Variants in PCDH7 observed in about 807,000 individuals in gnomAD.
The protein encoded by PCDH7 is protocadherin 7.
PCDH7 carries 17 observed loss-of-function variants against 58.9 expected under a neutral mutation model. The observed-to-expected ratio is 0.29, with a 90% CI of 0.20 to 0.43. The LOEUF (loss-of-function observed/expected upper bound fraction) is 0.43, where lower values mean the gene tolerates loss of function less well. PCDH7 is among the 20% of genes least tolerant of loss of function. The pLI is 1.00. For missense variants in PCDH7, 1,274 were observed against 1,441.0 expected, an observed-to-expected ratio of 0.88 and a Z score of 1.88; for synonymous variants, 664 against 616.4, an observed-to-expected ratio of 1.08 and a Z score of -1.14.
intron 1 of PCDH7, among the ~76,000 whole-genome samples, chr4:30,906,435 A>C (rs1560488626): frequency 6.6e-6 from 1 of 152,192 alleles, no homozygotes; most frequent in Non-Finnish European, 1.5e-5. Context: ...AGTTATTTCC[A>C]AAAGAACAAG....
chr4:30,961,326 T>C (rs549309628), intron 3 of PCDH7, among the ~76,000 whole-genome samples: 1 of 151,376 alleles, frequency 6.6e-6, no homozygotes, highest in Non-Finnish European at 1.5e-5. Context: ...GGGTGGATCA[T>C]GAAGTCAGGA....
chr4:30,735,398 C>T (rs1422925744), downstream of PCDH7, among the ~76,000 whole-genome samples: 2 of 152,014 alleles, frequency 1.3e-5, no homozygotes, highest in Non-Finnish European at 1.5e-5. Context: ...ACGTATATGC[C>T]GTATCTTGAG....
chr4:30,798,244 G>A (rs2109304213), intron 1 of PCDH7, among the ~76,000 whole-genome samples: 1 of 152,294 alleles, frequency 6.6e-6, no homozygotes. Flanking sequence ...TTTACAGACA[G>A]GGGAGTGGAT....
chr4:30,796,025 T>C (rs886689559), intron 1 of PCDH7, among the ~76,000 whole-genome samples: 2 of 152,182 alleles, frequency 1.3e-5, no homozygotes, highest in Non-Finnish European at 2.9e-5. Context: ...ATCTCCATTT[T>C]CATTTTTTTG....
At chr4:30,941,997 G>A (rs1488528548) in intron 2 of PCDH7, among the ~76,000 whole-genome samples, 1 of 151,866 alleles carries the variant, frequency 6.6e-6, no homozygotes, top group African/African-American at 2.4e-5. Context: ...CATTGGGTGA[G>A]GTGGAGGCCT....
chr4:30,723,092 T>A lies in PCDH7; in HGVS notation c.1670T>A (p.Val557Glu). 1.2e-6 allele frequency: 2 copies of A among 1,613,864 alleles called. No individual in the cohort carries two copies. Among genetic ancestry groups the A allele is most frequent in the Non-Finnish European group, 1.7e-6 (2 of 1,180,028 alleles). The change falls in exon 1 of 2, where the codon GTG becomes GAG. Residue 557 changes from valine (V) to glutamate (E), a missense_variant. Val to Glu is a moderately radical substitution (Grantham distance 121). Transcript: ENST00000361762. This position sits in a 1 kb window ranked among gnomAD's most constrained non-coding sequence, Gnocchi z 4.6. ...ATCCCGGGCGAGAGGGTGGCCACGG[T>A]GCTGGCGACAGACGCAGACAGCGGT...
At chr4:30,815,419 G>T (rs1727548576) in intron 1 of PCDH7, among the ~76,000 whole-genome samples, 1 of 152,186 alleles carries the variant, frequency 6.6e-6, no homozygotes, top group African/African-American at 2.4e-5. Flanking sequence ...AGAGGACCAA[G>T]CAGGCATCTT....
chr4:30,821,752 T>C (rs1728404417), intron 1 of PCDH7, among the ~76,000 whole-genome samples: 1 of 152,196 alleles, frequency 6.6e-6, no homozygotes, highest in African/African-American at 2.4e-5. Context: ...ACTGCTGCTG[T>C]ATGCATGAAA....
intron 3 of PCDH7, among the ~76,000 whole-genome samples, chr4:31,055,621 G>A (rs1757098550): frequency 6.6e-6 from 1 of 151,948 alleles, no homozygotes; most frequent in Non-Finnish European, 1.5e-5. Context: ...CTGTTGCCCA[G>A]GCTGGAGTGC....
rs147715892 is a variant in PCDH7, at chr4:30,800,303, C to T, written c.70+75707C>T. On this transcript the variant is annotated intron_variant, in intron 1 of 3. Coordinates refer to the PCDH7 transcript ENST00000509759. ...CTAGATTATTTTGGATATACACATG[C>T]AAACACATATATATACACATACATT... 2.7e-3 allele frequency among the ~76,000 whole-genome samples: 409 copies of T among 152,034 alleles called. 1 individual carries two copies. Among genetic ancestry groups the T allele is most frequent in the African/African-American group, 9.5e-3 (392 of 41,440 alleles).
intron 1 of PCDH7, among the ~76,000 whole-genome samples, chr4:30,830,686 T>C (rs1205423987): frequency 6.6e-6 from 1 of 152,036 alleles, no homozygotes; most frequent in Non-Finnish European, 1.5e-5. Flanking sequence ...GAGGTCATTG[T>C]GGTTACTTCT....
At chr4:30,929,692 A>G (rs990056844) in intron 2 of PCDH7, among the ~76,000 whole-genome samples, 3 of 152,170 alleles carry the variant, frequency 2.0e-5, no homozygotes, top group African/African-American at 7.2e-5. Flanking sequence ...GCTTGAAAAT[A>G]TATCTCCCAT....
intron 2 of PCDH7, among the ~76,000 whole-genome samples, chr4:30,933,067 G>A (rs929018504): frequency 1.3e-5 from 2 of 150,286 alleles, no homozygotes; most frequent in Non-Finnish European, 1.5e-5. Context: ...TTGCTCTGTC[G>A]CCAGGCTGGA....
At chr4:30,956,933 G>T (rs1323862004) in intron 3 of PCDH7, among the ~76,000 whole-genome samples, 1 of 152,140 alleles carries the variant, frequency 6.6e-6, no homozygotes, top group East Asian at 1.9e-4. Flanking sequence ...AGGTAGCATA[G>T]GCTGCTGTGT....
chr4:30,857,325 A>T (rs143542675), intron 1 of PCDH7, among the ~76,000 whole-genome samples: 3 of 152,188 alleles, frequency 2.0e-5, no homozygotes, highest in Non-Finnish European at 4.4e-5. Flanking sequence ...CATTAACATT[A>T]TTATTGAGGG....
intron 3 of PCDH7, among the ~76,000 whole-genome samples, chr4:30,963,751 T>A (rs1748707886): frequency 6.6e-6 from 1 of 152,126 alleles, no homozygotes; most frequent in Non-Finnish European, 1.5e-5. Context: ...CACAACCAAG[T>A]GAACTACCCC....
At chr4:30,838,953 C>T (rs1024495143) in intron 1 of PCDH7, among the ~76,000 whole-genome samples, 1 of 151,968 alleles carries the variant, frequency 6.6e-6, no homozygotes, top group African/African-American at 2.4e-5. Context: ...TCCTTCCATC[C>T]TTCTTTTTTT....
intron 3 of PCDH7, among the ~76,000 whole-genome samples, chr4:31,071,899 G>A (rs555396905): frequency 6.6e-6 from 1 of 152,160 alleles, no homozygotes; most frequent in South Asian, 2.1e-4. Context: ...TGAAGGTGGT[G>A]AGAACACTAT....
At position 30,869,816 on chromosome 4, in the gene PCDH7, G is replaced by A. The variant is rs143768932; in HGVS notation, c.71-50337G>A. Reference sequence around the variant, plus strand: ...GTATACCCAGTAATGGGATTGCTGGGTCAAACAGTAGTTCTGGTTCTAGAT... The same window carrying A: ...GTATACCCAGTAATGGGATTGCTGGATCAAACAGTAGTTCTGGTTCTAGAT... On this transcript the variant is annotated intron_variant, in intron 1 of 3. Coordinates refer to the PCDH7 transcript ENST00000509759. 2.7e-3 allele frequency among the ~76,000 whole-genome samples: 417 copies of A among 152,242 alleles called. 3 individuals are homozygous for A. Among genetic ancestry groups the A allele is most frequent in the African/African-American group, 9.6e-3 (400 of 41,568 alleles).
Sources: gnomAD v4.1 joint callset for allele counts (sites outside exome capture counted in the v4.1 genomes callset) on GRCh38, gnomAD v4.1.1 for gene constraint, Gnocchi (gnomAD v3.1) non-coding constraint, MANE v1.5 for transcripts, NCBI Gene and HGNC (gene_info 2026-07-23, HGNC 2026-07-21) for gene names.